ETV6: variants seen among roughly 807,000 people sequenced by gnomAD.
ETV6 encodes the protein ETS variant transcription factor 6.
ETV6 carries 16 observed loss-of-function variants against 51.1 expected under a neutral mutation model. That is an observed-to-expected ratio of 0.31 (90% CI 0.21 to 0.48). The LOEUF is 0.48. ETV6 is among the 20% of genes least tolerant of loss of function. The probability of loss-of-function intolerance (pLI) is 0.99; values close to 1 mark genes in which losing one functional copy is unlikely to be tolerated. For synonymous variants in ETV6, 240 were observed against 224.1 expected (o/e 1.07, Z -0.64); for missense variants, 458 against 594.8 (o/e 0.77, Z 2.39).
At chr12:11,708,646 A>G (rs1296767150) in intron 1 of ETV6, among the ~76,000 whole-genome samples, 1 of 152,188 alleles carries the variant, frequency 6.6e-6, no homozygotes, top group African/African-American at 2.4e-5. Flanking sequence ...AGGCACATTC[A>G]GGAATCGTAT....
Position 11,885,898 on chromosome 12 carries a change from T to C in ETV6, c.1153-28T>C, listed in dbSNP as rs746451769. 2.6e-6 allele frequency: 4 copies of C among 1,553,472 alleles called. No homozygotes were observed. In the South Asian group the frequency reaches 3.4e-5, roughly 13 times the overall value. On this transcript the variant is annotated intron_variant, in intron 6 of 7. Transcript: ENST00000396373. ...CATTTCATTGTGTCTTTGTGCTTTTTTTCTCCCTTCCTCCTTTGAACAAAC... is the reference window on the plus strand; with the variant it reads ...CATTTCATTGTGTCTTTGTGCTTTTCTTCTCCCTTCCTCCTTTGAACAAAC...
intron 1 of ETV6, among the ~76,000 whole-genome samples, chr12:11,700,199 T>C (rs1310210033): frequency 6.6e-6 from 1 of 152,236 alleles, no homozygotes; most frequent in Non-Finnish European, 1.5e-5. Flanking sequence ...GTTAGGTTGC[T>C]GACCCCTCAC....
intron 2 of ETV6, among the ~76,000 whole-genome samples, chr12:11,796,387 T>C (rs1204963314): frequency 1.3e-5 from 2 of 152,214 alleles, no homozygotes; most frequent in African/African-American, 4.8e-5. Context: ...CCTCGTGCCA[T>C]TTATCATTCC....
intron 1 of ETV6, among the ~76,000 whole-genome samples, chr12:11,749,349 A>ACACC (rs1555123226): frequency 4.9e-5 from 6 of 123,666 alleles, no homozygotes; most frequent in East Asian, 4.7e-4. Context: ...ACACACACAC[A>ACACC]CCCCTACTCC....
At chr12:11,757,427 C>CAAA (rs5796460) in intron 2 of ETV6, among the ~76,000 whole-genome samples, 1 of 150,586 alleles carries the variant, frequency 6.6e-6, no homozygotes, top group African/African-American at 2.5e-5. Context: ...TGTTTGTTCC[C>CAAA]AAAAAAAAAG....
chr12:11,730,988 G>A (rs1340258643), intron 1 of ETV6, among the ~76,000 whole-genome samples: 8 of 152,140 alleles, frequency 5.3e-5, no homozygotes, highest in Non-Finnish European at 1.0e-4. Flanking sequence ...CCCTCTACCC[G>A]ATTCTAGGCC....
intron 3 of ETV6, among the ~76,000 whole-genome samples, chr12:11,852,992 A>G (rs536490983): frequency 2.1e-3 from 318 of 152,196 alleles, no homozygotes; most frequent in African/African-American, 7.4e-3. Context: ...TTTGAGACCA[A>G]CCTGAACAGC....
intron 2 of ETV6, among the ~76,000 whole-genome samples, chr12:11,816,504 C>T (rs1945996356): frequency 6.6e-6 from 1 of 152,214 alleles, no homozygotes; most frequent in Admixed American, 6.5e-5. Context: ...CCTCGGCCTC[C>T]CAAAGTGCTG....
chr12:11,786,832 T>C (rs1209555805), intron 2 of ETV6, among the ~76,000 whole-genome samples: 2 of 152,228 alleles, frequency 1.3e-5, no homozygotes, highest in Admixed American at 1.3e-4. Flanking sequence ...ATGGCTCATA[T>C]CAAGAGAGCA....
At chr12:11,782,714 C>T (rs1193846610) in intron 2 of ETV6, among the ~76,000 whole-genome samples, 2 of 152,168 alleles carry the variant, frequency 1.3e-5, no homozygotes, top group Admixed American at 6.5e-5. Context: ...TCCTATTTCT[C>T]TCTGAATTTT....
Position 11,741,782 on chromosome 12 carries a change from C to T in ETV6, c.34-10668C>T, listed in dbSNP as rs1049484071. Among the ~76,000 whole-genome samples the T allele has an allele frequency of 1.6e-4, 24 of 152,294 alleles. No homozygotes were observed. In the East Asian group the frequency reaches 4.4e-3, roughly 28 times the overall value. On this transcript the variant is annotated intron_variant, in intron 1 of 7. Transcript: ENST00000396373. ...AAATTGATTAATAAGGTTTCTAAAA[C>T]CTATTGTGAAAGAGAATCCTTTAAC... is the stretch of plus-strand genomic sequence containing the variant.
At position 11,796,169 on chromosome 12, in the gene ETV6, A is replaced by G. The variant is rs182743182; in HGVS notation, c.164-42971A>G. The stretch of plus-strand genomic sequence containing the variant: ...CCTCCAGTTCAGCCACTGTCCAGTC[A>G]AGCAGGAAAGTACATTGTGAGTGAG... On this transcript the variant is annotated intron_variant, in intron 2 of 7. Coordinates refer to ENST00000396373, the MANE Select transcript of ETV6 (RefSeq NM_001987.5). 1.7e-4 allele frequency among the ~76,000 whole-genome samples: 22 copies of G among 131,658 alleles called. No homozygotes were observed. In the East Asian group the frequency reaches 4.5e-3, roughly 27 times the overall value. The allele number at this position is 131,658 out of a possible 152,430, so 86.4% of individuals were successfully genotyped here. A position where few individuals can be genotyped will look rare whatever the true frequency, so the allele number is the denominator to read the frequency against.
At chr12:11,662,290 G>A (rs755643359) in intron 1 of ETV6, among the ~76,000 whole-genome samples, 10 of 152,098 alleles carry the variant, frequency 6.6e-5, no homozygotes, top group Non-Finnish European at 1.3e-4. Flanking sequence ...AAGGAAGAAA[G>A]GTAGGTGAGC....
At chr12:11,662,534 G>T (rs1864119016) in intron 1 of ETV6, among the ~76,000 whole-genome samples, 1 of 152,230 alleles carries the variant, frequency 6.6e-6, no homozygotes, top group Non-Finnish European at 1.5e-5. Context: ...GGGAAAGTTG[G>T]TCTGTGTACA....
chr12:11,777,151 A>G (rs550527644), intron 2 of ETV6, among the ~76,000 whole-genome samples: 1 of 149,728 alleles, frequency 6.7e-6, no homozygotes, highest in East Asian at 2.0e-4. Context: ...GAGGCAGGAG[A>G]ATGGCGTGAA....
intron 1 of ETV6, among the ~76,000 whole-genome samples, chr12:11,690,008 G>C (rs541914656): frequency 6.6e-6 from 1 of 152,202 alleles, no homozygotes; most frequent in East Asian, 1.9e-4. Flanking sequence ...TTATGATGCA[G>C]TTTGAAAAGG....
chr12:11,744,049 A>C (rs1446072247), intron 1 of ETV6, among the ~76,000 whole-genome samples: 1 of 152,162 alleles, frequency 6.6e-6, no homozygotes, highest in Non-Finnish European at 1.5e-5. Flanking sequence ...CCAGGTTTTA[A>C]GTCTCATGAG....
intron 1 of ETV6, among the ~76,000 whole-genome samples, chr12:11,717,398 G>C (rs911762881): frequency 3.3e-5 from 5 of 152,232 alleles, no homozygotes; most frequent in Admixed American, 6.5e-5. Flanking sequence ...TGGAGGACAG[G>C]CTGTGCACAG....
intron 1 of ETV6, among the ~76,000 whole-genome samples, chr12:11,710,692 C>A (rs1457734413): frequency 1.3e-5 from 2 of 152,190 alleles, no homozygotes; most frequent in Non-Finnish European, 2.9e-5. Context: ...TAGTTGATAG[C>A]TAGGGCATTT....
Sources: gnomAD v4.1 joint callset for allele counts (sites outside exome capture counted in the v4.1 genomes callset) on GRCh38, gnomAD v4.1.1 for gene constraint, MANE v1.5 for transcripts, NCBI Gene and HGNC (gene_info 2026-07-23, HGNC 2026-07-21) for gene names.